The following THSD7B variants were observed in gnomAD, a reference collection of about 807,000 sequenced individuals.
THSD7B encodes thrombospondin type-1 domain-containing protein 7B.
THSD7B carries 138 observed loss-of-function variants against 213.6 expected under a neutral mutation model. The observed-to-expected ratio is 0.65, with a 90% confidence interval of 0.56 to 0.74. The LOEUF (loss-of-function observed/expected upper bound fraction) is 0.74. Ranked by LOEUF, THSD7B falls within the 30% of genes least tolerant of loss-of-function variation. The probability of loss-of-function intolerance (pLI) is 0.00; values close to 1 mark genes in which losing one functional copy is unlikely to be tolerated. For missense variants in THSD7B, 1,931 were observed against 1,991.5 expected (o/e 0.97, Z 0.58); for synonymous variants, 742 against 687.0 (o/e 1.08, Z -1.25).
At chr2:137,658,432 ATAT>A (rs960955909) in intron 24 of THSD7B, among the ~76,000 whole-genome samples, 2 of 152,180 alleles carry the variant, frequency 1.3e-5, no homozygotes, top group African/African-American at 4.8e-5. Context: ...CATCTGACAA[ATAT>A]TATTAAAGCT....
intron 12 of THSD7B, among the ~76,000 whole-genome samples, chr2:137,303,363 A>C (rs57684558): frequency 0.1 from 15,631 of 152,120 alleles, 1,325 homozygotes; most frequent in East Asian, 0.43. Context: ...GACCTTTGCA[A>C]TTTTATTTAA....
intron 12 of THSD7B, among the ~76,000 whole-genome samples, chr2:137,315,707 G>A (rs1684081306): frequency 6.6e-6 from 1 of 152,014 alleles, no homozygotes; most frequent in African/African-American, 2.4e-5. Context: ...ACTGTGTTTA[G>A]ATGGAATATA....
chr2:136,893,798 C>A (rs1203832978), intron 2 of THSD7B, among the ~76,000 whole-genome samples: 1 of 152,136 alleles, frequency 6.6e-6, no homozygotes, highest in Non-Finnish European at 1.5e-5. Context: ...ATATTAGGGC[C>A]ACAGATGTTA....
At chr2:137,058,447 T>C (rs1687208650) in intron 3 of THSD7B, among the ~76,000 whole-genome samples, 1 of 152,292 alleles carries the variant, frequency 6.6e-6, no homozygotes. Flanking sequence ...TTGCAGTGTT[T>C]TTCTTTTTTT....
At chr2:136,933,973 CT>C (rs1460693460) in intron 2 of THSD7B, among the ~76,000 whole-genome samples, 1 of 152,134 alleles carries the variant, frequency 6.6e-6, no homozygotes, top group Non-Finnish European at 1.5e-5. Flanking sequence ...TGTTTTCTCT[CT>C]CTTTGGAGAT....
At position 137,620,639 on chromosome 2, in the gene THSD7B, A is replaced by G. The variant is rs1682501764; in HGVS notation, c.3712A>G (p.Ile1238Val). ...TTTGGAGAAGCCCCAGAGAATGAGC[A>G]TTCCCTGCTTGGTGGAATGCGTGGT... ...HNLEKPQRMS[I>V]PCLVECVVNC... Residue 1238 changes from isoleucine to valine, a missense_variant, in exon 20 of 28, where the codon ATT becomes GTT. By Grantham distance (29) the Ile-to-Val change is conservative. Transcript: ENST00000409968. 6.2e-7 allele frequency: 1 copy of G among 1,613,828 alleles called. No individual in the cohort carries two copies. Among genetic ancestry groups the G allele is most frequent in the Non-Finnish European group, 8.5e-7 (1 of 1,179,848 alleles).
intron 12 of THSD7B, among the ~76,000 whole-genome samples, chr2:137,335,333 T>G (rs746205188): frequency 6.6e-6 from 1 of 152,178 alleles, no homozygotes; most frequent in Admixed American, 6.5e-5. Context: ...TAGTTATAAG[T>G]GGCCAAGGAA....
At chr2:137,219,119 G>T (rs1681311835) in intron 7 of THSD7B, among the ~76,000 whole-genome samples, 1 of 151,974 alleles carries the variant, frequency 6.6e-6, no homozygotes, top group Admixed American at 6.6e-5. Flanking sequence ...TATGTGGTTT[G>T]TTGTTTCATT....
intron 12 of THSD7B, among the ~76,000 whole-genome samples, chr2:137,379,263 T>C (rs1457313255): frequency 2.0e-5 from 3 of 152,222 alleles, no homozygotes; most frequent in Non-Finnish European, 2.9e-5. Flanking sequence ...GTTTCCAACA[T>C]GCAAAATAAG....
At chr2:136,990,930 A>G in intron 2 of THSD7B, 1 of 1,346,308 alleles carries the variant, frequency 7.4e-7, no homozygotes, top group Non-Finnish European at 9.9e-7. Context: ...TGTATCACAA[A>G]TTAGCAGGTA....
intron 14 of THSD7B, among the ~76,000 whole-genome samples, chr2:137,415,677 T>G (rs1217451036): frequency 3.3e-5 from 5 of 149,838 alleles, no homozygotes; most frequent in Non-Finnish European, 5.9e-5. Flanking sequence ...TTTTTTTTTT[T>G]TTTTTTTTTT....
chr2:136,987,976 G>A (rs1266240754), intron 2 of THSD7B, among the ~76,000 whole-genome samples: 3 of 152,118 alleles, frequency 2.0e-5, no homozygotes, highest in Admixed American at 6.5e-5. Context: ...AGCTGATGAA[G>A]TCCAAATGTT....
intron 6 of THSD7B, among the ~76,000 whole-genome samples, chr2:137,167,346 A>C (rs1041928491): frequency 2.0e-5 from 3 of 151,894 alleles, no homozygotes; most frequent in Non-Finnish European, 4.4e-5. Context: ...GATTACAGGC[A>C]GGTGCCACCC....
intron 2 of THSD7B, among the ~76,000 whole-genome samples, chr2:136,945,281 T>C (rs760470709): frequency 7.2e-5 from 11 of 152,194 alleles, no homozygotes; most frequent in Non-Finnish European, 1.6e-4. Context: ...CTATTGAAGC[T>C]TGTGCATGTG....
chr2:137,485,331 T>C (rs1305416558), intron 15 of THSD7B, among the ~76,000 whole-genome samples: 2 of 151,100 alleles, frequency 1.3e-5, no homozygotes, highest in Admixed American at 1.3e-4. Flanking sequence ...CAGATAGTTG[T>C]AGATATGCGG....
At chr2:137,087,231 T>TAC (rs1157959202) in intron 3 of THSD7B, among the ~76,000 whole-genome samples, 1 of 152,156 alleles carries the variant, frequency 6.6e-6, no homozygotes, top group Admixed American at 6.5e-5. Context: ...TACAGGTATA[T>TAC]ACATCTTAGT....
At chr2:137,398,513 C>T (rs1396615795) in intron 12 of THSD7B, among the ~76,000 whole-genome samples, 3 of 151,026 alleles carry the variant, frequency 2.0e-5, no homozygotes, top group South Asian at 2.1e-4. Context: ...AGGAGGCAGT[C>T]TACCCGTTCT....
chr2:136,984,913 C>T (rs1685645580), intron 2 of THSD7B, among the ~76,000 whole-genome samples: 1 of 152,100 alleles, frequency 6.6e-6, no homozygotes, highest in African/African-American at 2.4e-5. Flanking sequence ...CCATGTATAC[C>T]TTAGCAGAGA....
At chr2:137,357,886 C>T (rs1272056252) in intron 12 of THSD7B, among the ~76,000 whole-genome samples, 1 of 152,168 alleles carries the variant, frequency 6.6e-6, no homozygotes, top group Non-Finnish European at 1.5e-5. Context: ...CATTTTAGAT[C>T]ATTTTAAGTG....
Sources: gnomAD v4.1 joint callset for allele counts (sites outside exome capture counted in the v4.1 genomes callset) on GRCh38, gnomAD v4.1.1 for gene constraint, MANE v1.5 for transcripts, NCBI Gene and HGNC (gene_info 2026-07-23, HGNC 2026-07-21) for gene names.